OPCML: variants seen among roughly 807,000 people sequenced by gnomAD.
OPCML encodes opioid-binding protein/cell adhesion molecule.
OPCML carries 13 observed loss-of-function variants against 37.8 expected under a neutral mutation model. The observed-to-expected ratio is 0.34, with a 90% CI of 0.22 to 0.55. The LOEUF (loss-of-function observed/expected upper bound fraction) is 0.55. OPCML is among the 20% of genes least tolerant of loss of function. The pLI is 0.91. For synonymous variants in OPCML, 176 were observed against 168.8 expected (o/e 1.04, Z -0.33); for missense variants, 341 against 435.6 (o/e 0.78, Z 1.93).
intron 1 of OPCML, among the ~76,000 whole-genome samples, chr11:132,962,783 C>G (rs141087813): frequency 1.3e-5 from 2 of 152,310 alleles, no homozygotes; most frequent in Non-Finnish European, 2.9e-5. Context: ...GCAGGCACTT[C>G]ACCGCATTTG....
rs1272118824 is a variant in OPCML at position 133,174,093 on chromosome 11, G to A, written c.62-231083C>T. On this transcript the variant is annotated intron_variant, in intron 1 of 7. Coordinates refer to ENST00000524381, the MANE Select transcript of OPCML (RefSeq NM_001012393.5). The surrounding 1 kb of genome is among the most constrained non-coding windows in gnomAD (Gnocchi z 4.6). Reference sequence around the variant, plus strand: ...TTCAATCCTGTGAGATGCCTCGTTTGATTAATTTATGTCAGCGTTTTCTGT... The same window carrying A: ...TTCAATCCTGTGAGATGCCTCGTTTAATTAATTTATGTCAGCGTTTTCTGT... Among the ~76,000 whole-genome samples the A allele has an allele frequency of 6.6e-6, 1 of 152,202 alleles. No homozygotes were observed. Among genetic ancestry groups the A allele is most frequent in the East Asian group, 1.9e-4 (1 of 5,188 alleles).
chr11:132,520,704 A>G (rs866854841), intron 4 of OPCML, among the ~76,000 whole-genome samples: 44 of 52,510 alleles, frequency 8.4e-4, no homozygotes, highest in Non-Finnish European at 1.7e-3. Flanking sequence ...GTGTGTGTGT[A>G]TGCATATAGT....
rs543805174 is a variant in OPCML, at chr11:133,337,024, A to G, written c.61+195240T>C. Among the ~76,000 whole-genome samples, 41 of 152,338 alleles carry G rather than the reference A, an allele frequency of 2.7e-4. 1 individual carries two copies. Among genetic ancestry groups the G allele is most frequent in the South Asian group, 1.7e-3 (8 of 4,828 alleles). On this transcript the variant is annotated intron_variant, in intron 1 of 7. Coordinates refer to ENST00000524381, the MANE Select transcript of OPCML (RefSeq NM_001012393.5). ...AGAACCAAATGAATATAAAATGCAG[A>G]ATGGCCTCACACAGGCACAGCATCT...
intron 2 of OPCML, among the ~76,000 whole-genome samples, chr11:132,715,656 T>C (rs577595167): frequency 6.6e-6 from 1 of 152,324 alleles, no homozygotes; most frequent in Admixed American, 6.5e-5. Context: ...AATGAGAAGA[T>C]GGCCGTCTGC....
chr11:132,738,930 G>A (rs545201823), intron 2 of OPCML, among the ~76,000 whole-genome samples: 9 of 152,194 alleles, frequency 5.9e-5, no homozygotes, highest in African/African-American at 1.4e-4. Flanking sequence ...AATATGCCAC[G>A]TGGCATAGAG....
chr11:132,925,450 C>T (rs1944954781), intron 2 of OPCML, among the ~76,000 whole-genome samples: 1 of 152,182 alleles, frequency 6.6e-6, no homozygotes, highest in Non-Finnish European at 1.5e-5. Flanking sequence ...AGAACAGAAT[C>T]CTCTGGGAAT....
chr11:133,015,419 G>GGAAGGAAGGAAGGAAT (rs1565398833), intron 1 of OPCML, among the ~76,000 whole-genome samples: 60 of 89,078 alleles, frequency 6.7e-4, no homozygotes, highest in African/African-American at 2.3e-3. Context: ...AAGGAAGGAA[G>GGAAGGAAGGAAGGAAT]GAAGGAAGGA....
chr11:132,729,226 T>A (rs1565814474), intron 2 of OPCML, among the ~76,000 whole-genome samples: 2 of 152,188 alleles, frequency 1.3e-5, no homozygotes, highest in Admixed American at 6.5e-5. Context: ...TTTAACAACA[T>A]CCTTGTAGAG....
intron 1 of OPCML, among the ~76,000 whole-genome samples, chr11:133,439,592 C>A (rs896269072): frequency 4.3e-4 from 65 of 151,978 alleles, no homozygotes; most frequent in African/African-American, 1.5e-3. Flanking sequence ...CTCAGCCTCC[C>A]GAGTGGCTGG....
intron 1 of OPCML, among the ~76,000 whole-genome samples, chr11:133,509,558 C>T (rs1446880739): frequency 6.6e-6 from 1 of 152,208 alleles, no homozygotes; most frequent in Non-Finnish European, 1.5e-5. Flanking sequence ...GTTCCATACT[C>T]ACTCTGAGAT....
intron 1 of OPCML, among the ~76,000 whole-genome samples, chr11:133,327,125 G>C (rs1943491260): frequency 1.4e-5 from 2 of 141,842 alleles, no homozygotes; most frequent in African/African-American, 5.3e-5. Context: ...GGGTGTGGGT[G>C]TGTGGGGAGG....
chr11:133,480,740 G>A (rs1018416229), intron 1 of OPCML, among the ~76,000 whole-genome samples: 4 of 152,164 alleles, frequency 2.6e-5, no homozygotes, highest in African/African-American at 9.7e-5. Flanking sequence ...CTATTCCAGT[G>A]CCATCCATAT....
chr11:133,148,301 T>C (rs1216126844), intron 1 of OPCML, among the ~76,000 whole-genome samples: 1 of 152,148 alleles, frequency 6.6e-6, no homozygotes, highest in Non-Finnish European at 1.5e-5. Context: ...TGCTCCCTCA[T>C]GCCATTGATC....
intron 2 of OPCML, among the ~76,000 whole-genome samples, chr11:132,776,598 G>T (rs1475511612): frequency 6.6e-6 from 1 of 151,894 alleles, no homozygotes; most frequent in East Asian, 1.9e-4. Flanking sequence ...CCCTGCTTGG[G>T]CCACATGACA....
chr11:133,004,284 G>A, intron 1 of OPCML: 1 of 985,474 alleles, frequency 1.0e-6, no homozygotes, highest in Non-Finnish European at 1.2e-6. Flanking sequence ...GAAAGCAAAT[G>A]TGATTTTGCT....
chr11:132,795,136 A>AAAGATCCGAGGTT (rs1476461666), intron 2 of OPCML, among the ~76,000 whole-genome samples: 6 of 152,136 alleles, frequency 3.9e-5, no homozygotes, highest in African/African-American at 1.4e-4. Flanking sequence ...ACACACATTC[A>AAAGATCCGAGGTT]AAGATCCGAG....
chr11:132,435,079 G>T, intron 7 of OPCML: 2 of 767,458 alleles, frequency 2.6e-6, no homozygotes, highest in Non-Finnish European at 3.9e-6. Context: ...AAGCAGGCAA[G>T]CCTATCTTTG....
intron 2 of OPCML, among the ~76,000 whole-genome samples, chr11:132,704,027 T>C (rs1232852907): frequency 6.6e-6 from 1 of 152,192 alleles, no homozygotes; most frequent in Non-Finnish European, 1.5e-5. Context: ...ACCTGAGTTT[T>C]TTGTTTGGTT....
intron 2 of OPCML, among the ~76,000 whole-genome samples, chr11:132,717,182 C>T (rs1256916508): frequency 6.6e-6 from 1 of 152,096 alleles, no homozygotes; most frequent in East Asian, 1.9e-4. Context: ...CTATTGTGAC[C>T]ACTTTGTTAT....
Sources: gnomAD v4.1 joint callset for allele counts (sites outside exome capture counted in the v4.1 genomes callset) on GRCh38, gnomAD v4.1.1 for gene constraint, Gnocchi (gnomAD v3.1) non-coding constraint, MANE v1.5 for transcripts, NCBI Gene and HGNC (gene_info 2026-07-23, HGNC 2026-07-21) for gene names.